The following PLA2G5 variants were observed in gnomAD, a reference collection of about 807,000 sequenced individuals.
PLA2G5 encodes phospholipase A2 group V.
Under a neutral mutation model 15.9 loss-of-function variants are expected in PLA2G5, and 12 were observed. The ratio of observed to expected loss-of-function variants is 0.76; its 90% CI spans 0.48 to 1.23. The LOEUF (loss-of-function observed/expected upper bound fraction) is 1.23. Ranked by LOEUF, PLA2G5 falls within the 50% of genes most tolerant of loss-of-function variation. The pLI is 0.00. For synonymous variants in PLA2G5, 71 were observed against 71.4 expected (o/e 0.99, Z 0.03); for missense variants, 169 against 177.1 (o/e 0.95, Z 0.26).
chr1:20,057,790 C>T (rs943372716), intron 1 of PLA2G5, among the ~76,000 whole-genome samples: 1 of 152,194 alleles, frequency 6.6e-6, no homozygotes, highest in African/African-American at 2.4e-5. Flanking sequence ...TGAGCCACCG[C>T]ACCCTACTGC....
At chr1:20,046,402 C>CA in intron 1 of PLA2G5, among the ~76,000 whole-genome samples, 1 of 152,242 alleles carries the variant, frequency 6.6e-6, no homozygotes, top group East Asian at 1.9e-4. Flanking sequence ...AACAAACAAA[C>CA]AAAAATCCCC....
chr1:20,076,760 G>T (rs1477472716), intron 1 of PLA2G5: 1 of 152,212 alleles, frequency 6.6e-6, no homozygotes, highest in East Asian at 1.9e-4. Flanking sequence ...CCCTCCAACA[G>T]GAAATGCCAG....
intron 1 of PLA2G5, among the ~76,000 whole-genome samples, chr1:20,080,938 C>G (rs574939677): frequency 6.6e-6 from 1 of 152,004 alleles, no homozygotes; most frequent in African/African-American, 2.4e-5. Flanking sequence ...ACCCCCATCA[C>G]CTCTCTCACA....
rs139906512 is a variant in PLA2G5 at position 20,090,586 on chromosome 1, A to G, written c.311A>G (p.His104Arg). 2 of 1,614,078 alleles carry G rather than the reference A, an allele frequency of 1.2e-6. No homozygotes were observed. The highest frequency in any genetic ancestry group is 1.3e-5 in the African/African-American group (1 of 75,006). The change falls in exon 5 of 5, where the codon CAT becomes CGT. Residue 104 changes from histidine to arginine, a missense_variant. By Grantham distance (29) the His-to-Arg change is conservative. Transcript: ENST00000375108. ...TTTGCAGAGCCCGGGCCCTTCTGCC[A>G]TGTGAACCTCTGTGCCTGTGACCGG... The part of the protein sequence containing the change: ...VVTCEPGPFC[H>R]VNLCACDRKL...
chr1:20,083,417 G>A (rs1054944891), intron 1 of PLA2G5, among the ~76,000 whole-genome samples: 7 of 151,958 alleles, frequency 4.6e-5, no homozygotes, highest in South Asian at 4.1e-4. Context: ...TGGCACAAGC[G>A]ACCGTTCAAC....
intron 1 of PLA2G5, among the ~76,000 whole-genome samples, chr1:20,051,107 A>G (rs192097060): frequency 6.6e-6 from 1 of 152,282 alleles, no homozygotes; most frequent in African/African-American, 2.4e-5. Flanking sequence ...TAAAATAGTT[A>G]TGTTAAATTA....
At chr1:20,032,994 T>A (rs1569613870) in intron 1 of PLA2G5, among the ~76,000 whole-genome samples, 1 of 152,204 alleles carries the variant, frequency 6.6e-6, no homozygotes, top group Non-Finnish European at 1.5e-5. Flanking sequence ...GGGGATTCCT[T>A]TTGTAGTTAG....
chr1:20,077,488 A>G (rs1269321025), intron 1 of PLA2G5, among the ~76,000 whole-genome samples: 1 of 152,164 alleles, frequency 6.6e-6, no homozygotes, highest in East Asian at 1.9e-4. Flanking sequence ...CTGAGCACCT[A>G]CTATGTGCCA....
chr1:20,069,652 CCT>C (rs1481158575), upstream of PLA2G5, among the ~76,000 whole-genome samples: 2 of 147,110 alleles, frequency 1.4e-5, no homozygotes, highest in Non-Finnish European at 3.0e-5. Flanking sequence ...CAGAGTGAGA[CCT>C]CAGCTCAGAA....
intron 1 of PLA2G5, among the ~76,000 whole-genome samples, chr1:20,081,444 G>A (rs769975081): frequency 3.9e-5 from 6 of 151,954 alleles, no homozygotes; most frequent in East Asian, 1.9e-4. Context: ...AGAAGAAGGC[G>A]TGCTTCCACC....
chr1:20,082,676 A>T (rs567943479), intron 1 of PLA2G5, among the ~76,000 whole-genome samples: 1 of 152,006 alleles, frequency 6.6e-6, no homozygotes, highest in African/African-American at 2.4e-5. Context: ...CTACTGTCAC[A>T]GTTGGTCTGT....
At chr1:20,062,993 C>G (rs567273656) in intron 2 of PLA2G5, among the ~76,000 whole-genome samples, 3 of 152,052 alleles carry the variant, frequency 2.0e-5, no homozygotes, top group Admixed American at 6.5e-5. Flanking sequence ...GATCCATGGA[C>G]GTGGGGAAGC....
At chr1:20,033,941 G>C (rs934316020) in intron 1 of PLA2G5, among the ~76,000 whole-genome samples, 3 of 152,086 alleles carry the variant, frequency 2.0e-5, no homozygotes, top group African/African-American at 7.2e-5. Flanking sequence ...GCCCAAGAAG[G>C]AGAGGAAGCC....
chr1:20,069,779 G>T (rs948090432), upstream of PLA2G5, among the ~76,000 whole-genome samples: 2 of 152,148 alleles, frequency 1.3e-5, no homozygotes, highest in Non-Finnish European at 2.9e-5. Context: ...TAGATGCAAT[G>T]CCTGATTCTT....
chr1:20,082,364 T>C (rs1297938557), intron 1 of PLA2G5, among the ~76,000 whole-genome samples: 2 of 151,796 alleles, frequency 1.3e-5, no homozygotes, highest in East Asian at 3.9e-4. Context: ...TTGACTGTAG[T>C]TGTACGCATG....
At chr1:20,077,726 A>G (rs559614477) in intron 1 of PLA2G5, among the ~76,000 whole-genome samples, 22 of 152,294 alleles carry the variant, frequency 1.4e-4, no homozygotes, top group African/African-American at 4.8e-4. Context: ...TAAAACTGAG[A>G]CCCAAAGAGG....
intron 1 of PLA2G5, among the ~76,000 whole-genome samples, chr1:20,056,330 G>A (rs1350422963): frequency 1.3e-5 from 2 of 151,794 alleles, no homozygotes; most frequent in Non-Finnish European, 2.9e-5. Flanking sequence ...GCTGCATCTA[G>A]TTGGCCATCT....
At chr1:20,038,889 G>A (rs2013430035) in intron 1 of PLA2G5, among the ~76,000 whole-genome samples, 1 of 152,206 alleles carries the variant, frequency 6.6e-6, no homozygotes, top group East Asian at 1.9e-4. Context: ...AGCGTCAAGG[G>A]CTTTTGGAGT....
intron 1 of PLA2G5, among the ~76,000 whole-genome samples, chr1:20,032,242 G>A (rs1012363791): frequency 6.6e-6 from 1 of 152,138 alleles, no homozygotes; most frequent in African/African-American, 2.4e-5. Flanking sequence ...CTAGCTATTG[G>A]TTAACCTGTG....
Sources: gnomAD v4.1 joint callset for allele counts (sites outside exome capture counted in the v4.1 genomes callset) on GRCh38, gnomAD v4.1.1 for gene constraint, MANE v1.5 for transcripts, NCBI Gene and HGNC (gene_info 2026-07-23, HGNC 2026-07-21) for gene names.